The following CCDC91 variants were observed in gnomAD, a reference collection of about 807,000 sequenced individuals.
CCDC91 encodes coiled-coil domain containing 91.
A neutral mutation model predicts 63.2 loss-of-function variants in CCDC91; 48 were observed. The ratio of observed to expected loss-of-function variants is 0.76; its 90% CI spans 0.60 to 0.97. The LOEUF (loss-of-function observed/expected upper bound fraction) is 0.97, where lower values mean the gene tolerates loss of function less well. CCDC91 is among the 50% of genes least tolerant of loss of function. The pLI, the probability that CCDC91 is intolerant of heterozygous loss-of-function variation, is 0.00. For synonymous variants in CCDC91, 167 were observed against 165.8 expected, an observed-to-expected ratio of 1.01 and a Z score of -0.06; for missense variants, 500 against 494.6, an observed-to-expected ratio of 1.01 and a Z score of -0.10.
rs529657877 is a variant in CCDC91 at position 28,495,403 on chromosome 12, A to G, written c.1215+11238A>G. 1.8e-4 allele frequency among the ~76,000 whole-genome samples: 27 copies of G among 151,820 alleles called. No individual in the cohort carries two copies. The East Asian group carries it at 4.9e-3, about 27-fold the overall frequency. The stretch of plus-strand genomic sequence containing the variant: ...TTTGTTCATATGATTCATCTGATCA[A>G]GTACCCAAAGCTGATGTCCCTGCAG... On this transcript the variant is annotated intron_variant, in intron 12 of 12. Transcript: ENST00000536442.
chr12:28,502,455 A>T (rs1206588288), intron 12 of CCDC91, among the ~76,000 whole-genome samples: 1 of 151,828 alleles, frequency 6.6e-6, no homozygotes, highest in East Asian at 1.9e-4. Flanking sequence ...ATGGAACAAC[A>T]TTCCATGCTC....
Position 28,450,420 on chromosome 12 carries a change from T to C in CCDC91, c.924+2T>C. The C allele has an allele frequency of 6.2e-7, 1 of 1,607,358 alleles. No homozygotes were observed. Among genetic ancestry groups the C allele is most frequent in the Non-Finnish European group, 8.5e-7 (1 of 1,174,236 alleles). ...GAGGCATTAGTATCCGCTGCAAAGG[T>C]ATTTCCATCTGTAATAGTGGGTTGC... On this transcript the variant is annotated splice_donor_variant, in intron 10 of 12. Coordinates refer to ENST00000536442, the MANE Select transcript of CCDC91 (RefSeq NM_018318.5). LOFTEE classifies it high-confidence loss of function.
chr12:28,317,648 C>T (rs1940037241), intron 6 of CCDC91, among the ~76,000 whole-genome samples: 1 of 151,912 alleles, frequency 6.6e-6, no homozygotes, highest in Non-Finnish European at 1.5e-5. Flanking sequence ...CTAAGAGCCA[C>T]TAAAGTTGAC....
intron 1 of CCDC91, among the ~76,000 whole-genome samples, chr12:28,211,992 T>G (rs2135530967): frequency 6.6e-6 from 1 of 152,232 alleles, no homozygotes; most frequent in South Asian, 2.1e-4. Flanking sequence ...TGTCATGACT[T>G]CCAAACCCAG....
intron 8 of CCDC91, among the ~76,000 whole-genome samples, chr12:28,433,962 A>C (rs1247366919): frequency 6.6e-6 from 1 of 151,796 alleles, no homozygotes; most frequent in Non-Finnish European, 1.5e-5. Flanking sequence ...ACTAGTGTAA[A>C]TAGTAATGTG....
At chr12:28,208,644 T>C (rs988682830) in intron 1 of CCDC91, among the ~76,000 whole-genome samples, 1 of 152,224 alleles carries the variant, frequency 6.6e-6, no homozygotes, top group African/African-American at 2.4e-5. Flanking sequence ...TCCAGGTTAC[T>C]GTAAGTCATT....
At chr12:28,544,364 C>T (rs566277840) in intron 12 of CCDC91, among the ~76,000 whole-genome samples, 13 of 152,020 alleles carry the variant, frequency 8.6e-5, no homozygotes, top group African/African-American at 2.9e-4. Flanking sequence ...TTTCAAGTCT[C>T]TTAATTACCA....
intron 12 of CCDC91, among the ~76,000 whole-genome samples, chr12:28,534,888 C>T (rs1293463696): frequency 2.6e-5 from 4 of 152,178 alleles, no homozygotes; most frequent in Non-Finnish European, 4.4e-5. Context: ...CAAGGTTAGA[C>T]ACTTAATCCA....
At chr12:28,548,430 C>T (rs1943130920) in intron 12 of CCDC91, among the ~76,000 whole-genome samples, 1 of 151,996 alleles carries the variant, frequency 6.6e-6, no homozygotes, top group African/African-American at 2.4e-5. Context: ...CCACCATGCG[C>T]AGCTAATTTT....
chr12:28,232,043 A>G (rs1368345758), intron 1 of CCDC91, among the ~76,000 whole-genome samples: 1 of 152,164 alleles, frequency 6.6e-6, no homozygotes, highest in Non-Finnish European at 1.5e-5. Context: ...GATTTTCCAT[A>G]CACTGCCAGG....
At chr12:28,421,044 T>C (rs1382446452) in intron 8 of CCDC91, among the ~76,000 whole-genome samples, 2 of 152,142 alleles carry the variant, frequency 1.3e-5, no homozygotes, top group African/African-American at 4.8e-5. Context: ...GGAATTACTA[T>C]ATGCAAGGAC....
intron 3 of CCDC91, among the ~76,000 whole-genome samples, chr12:28,303,246 T>G (rs1266650723): frequency 6.6e-6 from 1 of 152,126 alleles, no homozygotes; most frequent in Non-Finnish European, 1.5e-5. Context: ...AGACGGGTTA[T>G]GAACTGTTGA....
rs370368418 is a variant in CCDC91 at position 28,476,350 on chromosome 12, G to A, written c.1102-7702G>A. Among the ~76,000 whole-genome samples the A allele has an allele frequency of 5.9e-5, 9 of 152,196 alleles. No individual in the cohort carries two copies. The South Asian group carries it at 6.2e-4, about 11-fold the overall frequency. On this transcript the variant is annotated intron_variant, in intron 11 of 12. Coordinates refer to ENST00000536442, the MANE Select transcript of CCDC91 (RefSeq NM_018318.5). ...AAAACCGGTCAACTGCATGGAAACTGAACAACCTGCTCCTGAATGAATACT... is the reference window on the plus strand; with the variant it reads ...AAAACCGGTCAACTGCATGGAAACTAAACAACCTGCTCCTGAATGAATACT...
At chr12:28,495,269 T>TG (rs1192961876) in intron 12 of CCDC91, among the ~76,000 whole-genome samples, 1 of 151,700 alleles carries the variant, frequency 6.6e-6, no homozygotes, top group Non-Finnish European at 1.5e-5. Flanking sequence ...GACTGGACAT[T>TG]GGGGAAGACA....
intron 12 of CCDC91, among the ~76,000 whole-genome samples, chr12:28,545,025 A>G (rs1942890105): frequency 6.6e-6 from 1 of 152,042 alleles, no homozygotes; most frequent in Middle Eastern, 3.2e-3. Context: ...AAACTTCAGA[A>G]TTTCCAGATT....
chr12:28,449,415 C>T (rs1641437844), intron 8 of CCDC91, among the ~76,000 whole-genome samples: 2 of 151,928 alleles, frequency 1.3e-5, no homozygotes, highest in South Asian at 4.1e-4. Flanking sequence ...TTTGTTTCCA[C>T]ATCAGTGCAC....
At position 28,450,413 on chromosome 12, in the gene CCDC91, G is replaced by A. The variant is rs750274646; in HGVS notation, c.919G>A (p.Ala307Thr). The change falls in exon 10 of 13, where the codon GCA (alanine) becomes ACA (threonine). Residue 307 changes from alanine to threonine, a missense_variant. Physicochemically the swap from Ala to Thr is moderately conservative, Grantham distance 58 (BLOSUM62 0). Coordinates refer to ENST00000536442, the MANE Select transcript of CCDC91 (RefSeq NM_018318.5). ...AAATAAAGAGGCATTAGTATCCGCT[G>A]CAAAGGTATTTCCATCTGTAATAGT... is the stretch of plus-strand genomic sequence containing the variant. Reference protein sequence around the residue: ...QRNKEALVSAAKLEKEAVKDA... With the variant: ...QRNKEALVSATKLEKEAVKDA... 1.2e-6 allele frequency: 2 copies of A among 1,610,076 alleles called. No individual in the cohort carries two copies. Among genetic ancestry groups the A allele is most frequent in the South Asian group, 2.2e-5 (2 of 90,960 alleles).
At chr12:28,214,680 C>T (rs913354906) in intron 1 of CCDC91, among the ~76,000 whole-genome samples, 2 of 152,006 alleles carry the variant, frequency 1.3e-5, no homozygotes, top group African/African-American at 4.8e-5. Flanking sequence ...GTATTGTTTG[C>T]TTTACATCAT....
At chr12:28,267,941 T>G (rs11049497) in intron 3 of CCDC91, among the ~76,000 whole-genome samples, 14,956 of 89,824 alleles carry the variant, frequency 0.17, 2,532 homozygotes, top group Non-Finnish European at 0.25. Context: ...TATAATTATA[T>G]ATAATTATTA....
Sources: gnomAD v4.1 joint callset for allele counts (sites outside exome capture counted in the v4.1 genomes callset) on GRCh38, gnomAD v4.1.1 for gene constraint, MANE v1.5 for transcripts, NCBI Gene and HGNC (gene_info 2026-07-23, HGNC 2026-07-21) for gene names.